Variants in KLHL2 observed in about 807,000 individuals in gnomAD.
KLHL2 encodes kelch like family member 2.
In KLHL2, 15 loss-of-function variants were observed where a neutral mutation model predicts 75.8. The ratio of observed to expected loss-of-function variants is 0.20; its 90% confidence interval spans 0.13 to 0.30. KLHL2 has a LOEUF of 0.30. Among genes scored for constraint, KLHL2 ranks in the 10% least tolerant of loss-of-function variants. KLHL2 has a pLI of 1.00. For synonymous variants in KLHL2, 214 were observed against 251.9 expected (o/e 0.85, Z 1.42); for missense variants, 381 against 741.0 (o/e 0.51, Z 5.64).
chr4:165,308,478 T>C (rs1745898314), intron 9 of KLHL2, among the ~76,000 whole-genome samples: 1 of 152,176 alleles, frequency 6.6e-6, no homozygotes. Context: ...TAATAAACTG[T>C]GTAATTAAAC....
At chr4:165,278,025 C>T (rs1560796597) in intron 5 of KLHL2, 6 of 1,481,124 alleles carry the variant, frequency 4.1e-6, no homozygotes, top group Non-Finnish European at 4.7e-6. Flanking sequence ...ATTAACATTG[C>T]CATGCTACTC....
chr4:165,281,894 G>C (rs905053481), intron 5 of KLHL2, among the ~76,000 whole-genome samples: 1 of 152,182 alleles, frequency 6.6e-6, no homozygotes, highest in African/African-American at 2.4e-5. Context: ...CCCTATTGCA[G>C]TTATGGTATT....
At chr4:165,261,487 T>G (rs1283152735) in intron 4 of KLHL2, among the ~76,000 whole-genome samples, 1 of 152,118 alleles carries the variant, frequency 6.6e-6, no homozygotes, top group Non-Finnish European at 1.5e-5. Context: ...ACTACAGGTG[T>G]GTGCCACTAC....
At chr4:165,292,844 G>A (rs545601081) in intron 5 of KLHL2, among the ~76,000 whole-genome samples, 9 of 151,930 alleles carry the variant, frequency 5.9e-5, no homozygotes, top group African/African-American at 1.9e-4. Flanking sequence ...TCATTGTGAC[G>A]ACCTAGAAAT....
At chr4:165,239,005 A>G in intron 4 of KLHL2, 106 bp downstream of exon 4, 45 of 1,467,780 alleles carry the variant, frequency 3.1e-5, no homozygotes, top group South Asian at 2.4e-4. Flanking sequence ...AATAGGATTC[A>G]TTGTGAAAAT....
At chr4:165,210,055 A>T in intron 1 of KLHL2, 1 of 1,550,234 alleles carries the variant, frequency 6.5e-7, no homozygotes, top group Non-Finnish European at 8.7e-7. Context: ...GCCAGTGGAA[A>T]CTATTAGGAA....
At chr4:165,213,879 A>G (rs1220519383) in intron 1 of KLHL2, among the ~76,000 whole-genome samples, 1 of 152,178 alleles carries the variant, frequency 6.6e-6, no homozygotes. Context: ...TGAATTCAAC[A>G]ATTTTCTTCT....
intron 4 of KLHL2, among the ~76,000 whole-genome samples, chr4:165,248,870 A>G (rs1156714207): frequency 6.6e-6 from 1 of 152,236 alleles, no homozygotes; most frequent in Non-Finnish European, 1.5e-5. Flanking sequence ...TTTCATGAAC[A>G]GTAGAGATGT....
intron 4 of KLHL2, among the ~76,000 whole-genome samples, chr4:165,244,258 T>C (rs1740050100): frequency 6.6e-6 from 1 of 152,246 alleles, no homozygotes; most frequent in African/African-American, 2.4e-5. Flanking sequence ...CATTCACATT[T>C]CATTGAATTC....
At chr4:165,230,837 C>T (rs1202547744) in intron 3 of KLHL2, among the ~76,000 whole-genome samples, 6 of 152,200 alleles carry the variant, frequency 3.9e-5, no homozygotes, top group African/African-American at 1.2e-4. Context: ...TCTAATGGTT[C>T]TCTATGCTTC....
chr4:165,297,057 C>G (rs1046593123), intron 6 of KLHL2, among the ~76,000 whole-genome samples: 1 of 152,044 alleles, frequency 6.6e-6, no homozygotes, highest in Admixed American at 6.6e-5. Context: ...TGCATATTGT[C>G]AAACATTTCC....
intron 9 of KLHL2, among the ~76,000 whole-genome samples, chr4:165,310,134 A>G (rs1276975829): frequency 2.6e-5 from 4 of 152,058 alleles, no homozygotes; most frequent in East Asian, 1.9e-4. Flanking sequence ...TCAGGAGATC[A>G]AGACCACAGT....
rs535008049 is a variant in KLHL2, at chr4:165,232,328, G to A, written c.259+3415G>A. Among the ~76,000 whole-genome samples the A allele has an allele frequency of 2.6e-3, 396 of 151,820 alleles. 2 individuals are homozygous for A. The highest frequency in any genetic ancestry group is 3.9e-3 in the Non-Finnish European group (263 of 67,960). On this transcript the variant is annotated intron_variant, in intron 3 of 14. Transcript: ENST00000226725. Reference sequence around the variant, plus strand: ...TGTAGTCCCACCTACTCGGGAGGCTGAGGCAGGAGAATGGCGTGAACCCAG... The same window carrying A: ...TGTAGTCCCACCTACTCGGGAGGCTAAGGCAGGAGAATGGCGTGAACCCAG...
intron 5 of KLHL2, among the ~76,000 whole-genome samples, chr4:165,264,709 T>C (rs1579072799): frequency 1.4e-5 from 1 of 69,696 alleles, no homozygotes; most frequent in Admixed American, 1.7e-4. Context: ...TGTGTGTATA[T>C]ATATATATAT....
chr4:165,255,394 G>C (rs552272648), intron 4 of KLHL2, among the ~76,000 whole-genome samples: 1 of 152,042 alleles, frequency 6.6e-6, no homozygotes, highest in Non-Finnish European at 1.5e-5. Flanking sequence ...TGTGGGGAGG[G>C]GGAGGTTGTT....
intron 4 of KLHL2, among the ~76,000 whole-genome samples, chr4:165,242,107 GT>G (rs33991007): frequency 0.12 from 18,299 of 151,334 alleles, 2,184 homozygotes; most frequent in African/African-American, 0.31. Context: ...GAATTTACAG[GT>G]TTTTTTTTAA....
chr4:165,318,238 C>G (rs1047816892), intron 14 of KLHL2, among the ~76,000 whole-genome samples: 2 of 152,088 alleles, frequency 1.3e-5, no homozygotes, highest in Non-Finnish European at 1.5e-5. Context: ...AATCTGTATG[C>G]AGAGGAGAAG....
chr4:165,307,376 T>A (rs1745817793), intron 9 of KLHL2, among the ~76,000 whole-genome samples: 1 of 152,236 alleles, frequency 6.6e-6, no homozygotes, highest in South Asian at 2.1e-4. Flanking sequence ...ACAGAAGAGT[T>A]GCAAAGATAG....
chr4:165,217,221 C>T (rs1186197215), intron 1 of KLHL2, among the ~76,000 whole-genome samples: 2 of 152,122 alleles, frequency 1.3e-5, no homozygotes, highest in African/African-American at 2.4e-5. Context: ...ACCTTGCTAT[C>T]GTATATAGAC....
Sources: gnomAD v4.1 joint callset for allele counts (sites outside exome capture counted in the v4.1 genomes callset) on GRCh38, gnomAD v4.1.1 for gene constraint, MANE v1.5 for transcripts, NCBI Gene and HGNC (gene_info 2026-07-23, HGNC 2026-07-21) for gene names.